Variants in TAFA1 observed in about 807,000 individuals in gnomAD.
TAFA1 encodes TAFA chemokine like family member 1, also known as chemokine-like protein TAFA-1.
Under a neutral mutation model 18.5 loss-of-function variants are expected in TAFA1, and 4 were observed. The observed-to-expected ratio is 0.22, with a 90% CI of 0.11 to 0.49. The LOEUF (loss-of-function observed/expected upper bound fraction) is 0.49. Among genes scored for constraint, TAFA1 ranks in the 20% least tolerant of loss-of-function variants. The pLI, the probability that TAFA1 is intolerant of heterozygous loss-of-function variation, is 0.98. For synonymous variants in TAFA1, 56 were observed against 55.2 expected, an observed-to-expected ratio of 1.01 and a Z score of -0.06; for missense variants, 147 against 169.0, an observed-to-expected ratio of 0.87 and a Z score of 0.72.
intron 2 of TAFA1, among the ~76,000 whole-genome samples, chr3:68,201,492 C>T (rs1228002914): frequency 6.6e-6 from 1 of 151,576 alleles, no homozygotes; most frequent in Non-Finnish European, 1.5e-5. Context: ...AGTCTCCAAC[C>T]ATAATAATGG....
chr3:68,271,619 A>T (rs2067671397), intron 2 of TAFA1, among the ~76,000 whole-genome samples: 1 of 152,180 alleles, frequency 6.6e-6, no homozygotes, highest in Non-Finnish European at 1.5e-5. Flanking sequence ...CAACAAAGTT[A>T]TGATGTTGAG....
chr3:68,205,592 C>G (rs1357330471), intron 2 of TAFA1, among the ~76,000 whole-genome samples: 1 of 151,840 alleles, frequency 6.6e-6, no homozygotes, highest in Non-Finnish European at 1.5e-5. Flanking sequence ...TGAGCACGAC[C>G]TTCAACTCCT....
chr3:68,113,990 C>T (rs1160432188), intron 2 of TAFA1, among the ~76,000 whole-genome samples: 3 of 150,596 alleles, frequency 2.0e-5, no homozygotes, highest in Non-Finnish European at 4.4e-5. Flanking sequence ...CTGCAACCTC[C>T]GCCTCCTGGA....
chr3:68,146,083 A>G (rs974783857), intron 2 of TAFA1, among the ~76,000 whole-genome samples: 4 of 152,192 alleles, frequency 2.6e-5, no homozygotes, highest in African/African-American at 9.7e-5. Context: ...CATTGGTAGA[A>G]GTTTCCTCAA....
At chr3:67,992,747 C>T in the TAFA1 span, among the ~76,000 whole-genome samples, 2 of 152,164 alleles carry the variant, frequency 1.3e-5, no homozygotes, top group Admixed American at 6.5e-5. Flanking sequence ...ATCCTTCTCC[C>T]TCCTTCTCTC....
intron 3 of TAFA1, 92 bp downstream of exon 3, chr3:68,417,512 T>C: frequency 1.7e-6 from 2 of 1,207,612 alleles, no homozygotes; most frequent in Non-Finnish European, 2.3e-6. Flanking sequence ...TTCCAGATAA[T>C]GAACAAGGTG....
At chr3:68,000,886 A>T (rs906233190), upstream of TAFA1, among the ~76,000 whole-genome samples, 8 of 152,172 alleles carry the variant, frequency 5.3e-5, no homozygotes, top group African/African-American at 1.7e-4. Flanking sequence ...TGGCCAGAAG[A>T]GTCTTCATTT....
chr3:68,323,915 C>T (rs773245201), intron 2 of TAFA1, among the ~76,000 whole-genome samples: 2 of 152,104 alleles, frequency 1.3e-5, no homozygotes, highest in Non-Finnish European at 2.9e-5. Flanking sequence ...TGGTAAAGTG[C>T]CTGAGGAAAT....
chr3:68,044,362 A>G (rs548346642), intron 2 of TAFA1, among the ~76,000 whole-genome samples: 43 of 152,284 alleles, frequency 2.8e-4, no homozygotes, highest in South Asian at 2.1e-3. Context: ...ATGATTACAT[A>G]TCTGTTGAGT....
At chr3:68,498,573 A>T (rs1010994666) in intron 3 of TAFA1, among the ~76,000 whole-genome samples, 1 of 152,110 alleles carries the variant, frequency 6.6e-6, no homozygotes. Flanking sequence ...TTGGCTGAAA[A>T]CATGGTAATT....
At chr3:68,128,305 A>G (rs2065495106) in intron 2 of TAFA1, among the ~76,000 whole-genome samples, 1 of 152,180 alleles carries the variant, frequency 6.6e-6, no homozygotes, top group Non-Finnish European at 1.5e-5. Flanking sequence ...AAGCAAGACC[A>G]TACATCCCGC....
At chr3:68,222,671 T>C (rs2066746071) in intron 2 of TAFA1, among the ~76,000 whole-genome samples, 1 of 151,996 alleles carries the variant, frequency 6.6e-6, no homozygotes, top group East Asian at 1.9e-4. Context: ...AGTATTGTTT[T>C]TATTTTTATT....
At chr3:68,375,543 A>T (rs262199) in intron 2 of TAFA1, among the ~76,000 whole-genome samples, 2 of 152,144 alleles carry the variant, frequency 1.3e-5, no homozygotes, top group Non-Finnish European at 2.9e-5. Flanking sequence ...GCCCAATCAA[A>T]TTTCATGCCT....
intron 2 of TAFA1, among the ~76,000 whole-genome samples, chr3:68,082,309 G>A (rs533190708): frequency 6.6e-6 from 1 of 152,184 alleles, no homozygotes; most frequent in Non-Finnish European, 1.5e-5. Flanking sequence ...GACCGGAGCT[G>A]TTCCTATTCG....
At chr3:68,043,752 C>T (rs1422817414) in intron 2 of TAFA1, among the ~76,000 whole-genome samples, 1 of 152,096 alleles carries the variant, frequency 6.6e-6, no homozygotes, top group Non-Finnish European at 1.5e-5. Context: ...TCAAAACCTG[C>T]CTGTGTTGTT....
At chr3:68,442,971 G>A (rs2071410903) in intron 3 of TAFA1, among the ~76,000 whole-genome samples, 1 of 152,160 alleles carries the variant, frequency 6.6e-6, no homozygotes, top group African/African-American at 2.4e-5. Flanking sequence ...TGATTCAGGT[G>A]TAGGGGTAGC....
At chr3:68,393,253 T>C (rs1303118353) in intron 2 of TAFA1, among the ~76,000 whole-genome samples, 1 of 151,936 alleles carries the variant, frequency 6.6e-6, no homozygotes, top group Non-Finnish European at 1.5e-5. Context: ...CTGGAAAATC[T>C]AGAAGAAATG....
intron 2 of TAFA1, among the ~76,000 whole-genome samples, chr3:68,278,246 C>A (rs1343586352): frequency 6.6e-6 from 1 of 152,100 alleles, no homozygotes; most frequent in East Asian, 1.9e-4. Flanking sequence ...TGTTTCCTAA[C>A]TTTTCAGGCA....
chr3:68,283,133 T>C (rs929002216), intron 2 of TAFA1, among the ~76,000 whole-genome samples: 1 of 152,232 alleles, frequency 6.6e-6, no homozygotes, highest in African/African-American at 2.4e-5. Flanking sequence ...ATTTGCTTTA[T>C]GATAATAGAG....
Sources: gnomAD v4.1 joint callset for allele counts (sites outside exome capture counted in the v4.1 genomes callset) on GRCh38, gnomAD v4.1.1 for gene constraint, MANE v1.5 for transcripts, NCBI Gene and HGNC (gene_info 2026-07-23, HGNC 2026-07-21) for gene names.